The following INPP5J variants were observed in gnomAD, a reference collection of about 807,000 sequenced individuals.
INPP5J encodes the protein inositol polyphosphate-5-phosphatase J.
INPP5J carries 75 observed loss-of-function variants against 86.6 expected under a neutral mutation model. That is an observed-to-expected ratio of 0.87 (90% CI 0.72 to 1.05). The LOEUF is 1.05. Ranked by LOEUF, INPP5J falls within the 50% of genes least tolerant of loss-of-function variation. The pLI, the probability that INPP5J is intolerant of heterozygous loss-of-function variation, is 0.00. For synonymous variants in INPP5J, 540 were observed against 550.0 expected, an observed-to-expected ratio of 0.98 and a Z score of 0.25; for missense variants, 1,229 against 1,341.2, an observed-to-expected ratio of 0.92 and a Z score of 1.31.
At chr22:31,126,232 C>A in intron 2 of INPP5J, 144 bp from the exon 3 acceptor site, 1 of 805,726 alleles carries the variant, frequency 1.2e-6, no homozygotes, top group African/African-American at 1.7e-5. Context: ...GGCAGAGGGA[C>A]AGGATTCGGG....
intron 5 of INPP5J, 133 bp downstream of exon 5, chr22:31,127,170 C>T (rs888048168): frequency 1.1e-5 from 9 of 785,900 alleles, no homozygotes; most frequent in South Asian, 3.3e-5. Flanking sequence ...CCCCATGCAC[C>T]ACCCAATACC....
intron 8 of INPP5J, 38 bp downstream of exon 8, chr22:31,128,361 C>T: frequency 1.3e-6 from 2 of 1,561,876 alleles, no homozygotes; most frequent in Non-Finnish European, 1.7e-6. Context: ...GGGAAGTGGG[C>T]TGAGGTCTTC....
At chr22:31,126,240 G>C in intron 2 of INPP5J, 136 bp from the exon 3 acceptor site, 2 of 819,618 alleles carry the variant, frequency 2.4e-6, no homozygotes, top group Non-Finnish European at 3.8e-6. Flanking sequence ...GACAGGATTC[G>C]GGGCCTCCTG....
chr22:31,122,815 T>G, upstream of INPP5J: 1 of 485,418 alleles, frequency 2.1e-6, no homozygotes, highest in Non-Finnish European at 3.6e-6. Flanking sequence ...CCCCACTCCA[T>G]GGCTGTTCCA....
At chr22:31,122,946 C>A, upstream of INPP5J, 1 of 1,065,212 alleles carries the variant, frequency 9.4e-7, no homozygotes, top group Non-Finnish European at 1.3e-6. Context: ...CTGATGACAT[C>A]ACTGGTTCCC....
chr22:31,124,139 C>A, intron 1 of INPP5J: 3 of 372,952 alleles, frequency 8.0e-6, no homozygotes, highest in Non-Finnish European at 1.1e-5. Context: ...CTTCATTTTA[C>A]AGACAGAGAA....
intron 5 of INPP5J, 94 bp from the exon 6 acceptor site, chr22:31,127,262 AC>A: frequency 8.4e-7 from 1 of 1,192,380 alleles, no homozygotes; most frequent in South Asian, 1.5e-5. Flanking sequence ...GGACCCACCC[AC>A]CTTCCACCCA....
Position 31,128,639 on chromosome 22 carries a change from C to T in INPP5J, c.2178C>T (p.Ala726=), listed in dbSNP as rs1336317551. ...YTVSDHKPVA[A]QFLLQFAFRD... ...TCAGCGACCACAAGCCTGTGGCTGC[C>T]CAGTTCCTCCTGCAGGTGAGTTCTG... The change falls in exon 9 of 13, where the codon GCC becomes GCT. Residue 726 remains alanine, a synonymous_variant. Coordinates refer to ENST00000331075, the MANE Select transcript of INPP5J (RefSeq NM_001284285.2). The T allele has an allele frequency of 6.3e-7, 1 of 1,586,708 alleles. No homozygotes were observed. Among genetic ancestry groups the T allele is most frequent in the Admixed American group, 1.8e-5 (1 of 56,372 alleles).
rs1921466321 is a variant in INPP5J, at chr22:31,126,604, C to T, written c.1386-9C>T. ...CAATCCCATGGCCACCCTGCCCCCA[C>T]CCCTCCAGGTTGCAGGAAGTGAACT... On this transcript the variant is annotated splice_polypyrimidine_tract_variant and intron_variant, in intron 3 of 12. Transcript: ENST00000331075. 8 of 1,611,212 alleles carry T rather than the reference C, an allele frequency of 5.0e-6. No individual in the cohort carries two copies. Among genetic ancestry groups the T allele is most frequent in the Middle Eastern group, 1.6e-4 (1 of 6,074 alleles).
Position 31,133,405 on chromosome 22 carries a change from G to A in INPP5J, c.2332-1G>A. 6.2e-7 allele frequency: 1 copy of A among 1,613,828 alleles called. No homozygotes were observed. The highest frequency in any genetic ancestry group is 8.5e-7 in the Non-Finnish European group (1 of 1,179,792). ...CTGATTCCACAACACTGATCCCCCA[G>A]GTGGGTTTCCGCCATTGCAAGGACT... On this transcript the variant is annotated splice_acceptor_variant, in intron 10 of 12. Transcript: ENST00000331075. LOFTEE classifies it high-confidence loss of function.
rs952943896 is a variant in INPP5J, at chr22:31,125,754, C to T, written c.1015C>T (p.Pro339Ser). 1.3e-6 allele frequency: 2 copies of T among 1,550,958 alleles called. No homozygotes were observed. Among genetic ancestry groups the T allele is most frequent in the African/African-American group, 2.7e-5 (2 of 73,048 alleles). The stretch of plus-strand genomic sequence containing the variant: ...GGCCCCCTCAGGCCAGACTGTGCCC[C>T]CACCTCTGCCCAAGCCACCCCGATC... ...PGAPSGQTVP[P>S]PLPKPPRSPS... is the part of the protein sequence containing the mutation. Residue 339 changes from proline (P) to serine (S), a missense_variant, in exon 2 of 13, where the codon CCA becomes TCA. Coordinates refer to ENST00000331075, the MANE Select transcript of INPP5J (RefSeq NM_001284285.2).
rs1337777471 is a variant in INPP5J, at chr22:31,134,444, G to C, written c.*25G>C. 15 of 1,440,952 alleles carry C rather than the reference G, an allele frequency of 1.0e-5. No individual in the cohort carries two copies. In the East Asian group the frequency reaches 3.5e-4, roughly 33 times the overall value. 89.3% of individuals were successfully genotyped at this position (1,440,952 alleles called of 1,614,324 possible). On this transcript the variant is annotated 3_prime_UTR_variant, in exon 13 of 13. Transcript: ENST00000331075. ...AGGGTGGGGTAGGCAGATGGGCCAAGGTGACCACCATTCTGCCTCAATCTT... is the reference window on the plus strand; with the variant it reads ...AGGGTGGGGTAGGCAGATGGGCCAACGTGACCACCATTCTGCCTCAATCTT...
chr22:31,127,217 C>T (rs1399722291), intron 5 of INPP5J, 140 bp from the exon 6 acceptor site: 4 of 855,058 alleles, frequency 4.7e-6, no homozygotes, highest in Non-Finnish European at 7.2e-6. Context: ...CTTTTCTCTC[C>T]CCACTGTGTC....
Position 31,124,867 on chromosome 22 carries a change from C to T in INPP5J, c.128C>T (p.Pro43Leu). The T allele has an allele frequency of 1.2e-6, 2 of 1,611,834 alleles. No homozygotes were observed. The highest frequency in any genetic ancestry group is 1.7e-6 in the Non-Finnish European group (2 of 1,178,206). ...AAGGTGGACTCAAGTTTTCAGCTCC[C>T]AGCAAAGAAGAACGCAGCCCTAGGA... ...PSKVDSSFQLPAKKNAALGPS... is the reference protein window; with the variant it reads ...PSKVDSSFQLLAKKNAALGPS... Residue 43 changes from proline (P) to leucine (L), a missense_variant, in exon 2 of 13, where the codon CCA becomes CTA. Coordinates refer to ENST00000331075, the MANE Select transcript of INPP5J (RefSeq NM_001284285.2).
upstream of INPP5J, chr22:31,122,722 G>A (rs1210338192): frequency 3.2e-5 from 12 of 374,558 alleles, no homozygotes; most frequent in Admixed American, 1.4e-4. Flanking sequence ...CCAGGCCTAC[G>A]GCAGAAAGGT....
chr22:31,124,152 T>A, intron 1 of INPP5J: 1 of 498,900 alleles, frequency 2.0e-6, no homozygotes, highest in Non-Finnish European at 2.6e-6. Flanking sequence ...ACAGAGAAAC[T>A]GAGGCGCTGG....
chr22:31,123,096 G>C lies in INPP5J; in HGVS notation c.82G>C (p.Ala28Pro). The C allele has an allele frequency of 6.7e-7, 1 of 1,482,742 alleles. No homozygotes were observed. The highest frequency in any genetic ancestry group is 1.3e-5 in the South Asian group (1 of 74,824). The allele number at this position is 1,482,742 out of a possible 1,614,324, so 91.8% of individuals were successfully genotyped here. A position where few individuals can be genotyped will look rare whatever the true frequency, so the allele number is the denominator to read the frequency against. ...LGSLPMPQGV[A>P]QTGAPSKVDS... Reference sequence around the variant, plus strand: ...TTCCCTGCCCATGCCCCAGGGTGTTGCCCAAACTGGGGCACCCTCCAAGGT... The same window carrying C: ...TTCCCTGCCCATGCCCCAGGGTGTTCCCCAAACTGGGGCACCCTCCAAGGT... Residue 28 changes from alanine to proline, a missense_variant, in exon 1 of 13, where the codon GCC becomes CCC. Physicochemically the swap from Ala to Pro is conservative, Grantham distance 27. Coordinates refer to ENST00000331075, the MANE Select transcript of INPP5J (RefSeq NM_001284285.2).
At position 31,128,240 on chromosome 22, in the gene INPP5J, C is replaced by T. The variant is rs928621186; in HGVS notation, c.1926C>T (p.Pro642=). 11 of 1,598,800 alleles carry T rather than the reference C, an allele frequency of 6.9e-6. No individual in the cohort carries two copies. The highest frequency in any genetic ancestry group is 5.4e-5 in the African/African-American group (4 of 74,598). The change falls in exon 8 of 13, where the codon CCC becomes CCT. Residue 642 remains proline (P), a synonymous_variant. Coordinates refer to ENST00000331075, the MANE Select transcript of INPP5J (RefSeq NM_001284285.2). ...DQLNMAKNTW[P]ILKGFQEGPL... is the part of the protein sequence containing the mutation. ...TCAACATGGCCAAGAACACCTGGCC[C>T]ATTCTGAAGGGCTTTCAGGAGGGGC...
chr22:31,133,018 A>G (rs1433541306), intron 9 of INPP5J, 80 bp from the exon 10 acceptor site: 1 of 1,528,126 alleles, frequency 6.5e-7, no homozygotes, highest in African/African-American at 1.4e-5. Flanking sequence ...AATTTGTGCT[A>G]AGACCCAAGA....
Sources: allele counts gnomAD v4.1 joint callset, GRCh38; gene constraint gnomAD v4.1.1; transcripts MANE v1.5; gene names NCBI Gene and HGNC (gene_info 2026-07-23, HGNC 2026-07-21).